NIBAN2: variants seen among roughly 807,000 people sequenced by gnomAD.
NIBAN2 encodes the protein niban apoptosis regulator 2.
NIBAN2 carries 36 observed loss-of-function variants against 81.8 expected under a neutral mutation model. The observed-to-expected ratio is 0.44, with a 90% CI of 0.34 to 0.58. The LOEUF (loss-of-function observed/expected upper bound fraction) is 0.58. Ranked by LOEUF, NIBAN2 falls within the 20% of genes least tolerant of loss-of-function variation. NIBAN2 has a pLI of 0.02. For synonymous variants in NIBAN2, 445 were observed against 441.6 expected (o/e 1.01, Z -0.10); for missense variants, 897 against 1,014.1 (o/e 0.88, Z 1.57).
Position 127,560,569 on chromosome 9 carries a change from C to A in NIBAN2, c.55+8251G>T, listed in dbSNP as rs114239775. Among the ~76,000 whole-genome samples, 1,210 of 152,292 alleles carry A rather than the reference C, an allele frequency of 7.9e-3. 15 individuals carry two copies. The highest frequency in any genetic ancestry group is 0.027 in the African/African-American group (1,138 of 41,544). ...GCAGGCTGGCCCACCCCAGGCCAGT[C>A]TCCCTTACACCTTCCCAAGGAAGGC... On this transcript the variant is annotated intron_variant, in intron 1 of 13. Coordinates refer to ENST00000373312, the MANE Select transcript of NIBAN2 (RefSeq NM_022833.4).
intron 1 of NIBAN2, among the ~76,000 whole-genome samples, chr9:127,539,686 C>T (rs1022561214): frequency 1.3e-5 from 2 of 152,170 alleles, no homozygotes; most frequent in African/African-American, 4.8e-5. Context: ...AGGAACTGAC[C>T]GGGATGCTGG....
intron 8 of NIBAN2, 152 bp downstream of exon 8, chr9:127,516,705 G>T: frequency 1.2e-6 from 1 of 800,482 alleles, no homozygotes; most frequent in Non-Finnish European, 2.0e-6. Flanking sequence ...ACAACTCACA[G>T]GGGTTGGAGT....
chr9:127,511,327 C>T (rs539187780), intron 8 of NIBAN2, among the ~76,000 whole-genome samples: 76 of 152,212 alleles, frequency 5.0e-4, no homozygotes, highest in African/African-American at 1.6e-3. Flanking sequence ...GGATTATAGG[C>T]GTGAGCCACC....
intron 1 of NIBAN2, among the ~76,000 whole-genome samples, chr9:127,566,217 A>T (rs1170433854): frequency 6.6e-6 from 1 of 152,056 alleles, no homozygotes; most frequent in East Asian, 1.9e-4. Flanking sequence ...TTGTGGGGAA[A>T]ATTTGGGATT....
At chr9:127,527,843 G>C (rs1837105385) in intron 2 of NIBAN2, among the ~76,000 whole-genome samples, 1 of 152,184 alleles carries the variant, frequency 6.6e-6, no homozygotes. Flanking sequence ...CTTGAACAAG[G>C]TGGCTCCAGA....
intron 1 of NIBAN2, among the ~76,000 whole-genome samples, chr9:127,539,043 A>T (rs767897068): frequency 5.3e-4 from 81 of 152,240 alleles, no homozygotes; most frequent in Middle Eastern, 6.8e-3. Flanking sequence ...TGTATTAGGG[A>T]CATCTCATAG....
In NIBAN2 at chr9:127,508,576, T is replaced by C. The variant is rs1836663640; in HGVS notation, c.1318-38A>G. 1 of 1,544,262 alleles carries C rather than the reference T, an allele frequency of 6.5e-7. No individual in the cohort carries two copies. On this transcript the variant is annotated intron_variant, in intron 10 of 13. Coordinates refer to ENST00000373312, the MANE Select transcript of NIBAN2 (RefSeq NM_022833.4). This position sits in a 1 kb window ranked among gnomAD's most constrained non-coding sequence, Gnocchi z 6.4. ...CCGCGGACATGTGAAGCCCCCAGGGTGACCACAGCCCCTTCCTGGGTGCCG... is the reference window on the plus strand; with the variant it reads ...CCGCGGACATGTGAAGCCCCCAGGGCGACCACAGCCCCTTCCTGGGTGCCG...
chr9:127,573,420 T>C (rs987783494), upstream of NIBAN2, among the ~76,000 whole-genome samples: 3 of 150,726 alleles, frequency 2.0e-5, no homozygotes. Flanking sequence ...TTACAGTCTT[T>C]GGGTGGGGAA....
chr9:127,520,755 A>ATGGG, intron 5 of NIBAN2, among the ~76,000 whole-genome samples: 1 of 152,000 alleles, frequency 6.6e-6, no homozygotes, highest in Non-Finnish European at 1.5e-5. Context: ...GTGGTGGCAC[A>ATGGG]CGCCTGTAGT....
At chr9:127,521,955 G>A (rs1217369473) in intron 5 of NIBAN2, among the ~76,000 whole-genome samples, 1 of 152,198 alleles carries the variant, frequency 6.6e-6, no homozygotes, top group African/African-American at 2.4e-5. Flanking sequence ...GACTGAGGTG[G>A]CCCTTCCCCA....
chr9:127,530,411 C>T (rs928419469), intron 2 of NIBAN2, among the ~76,000 whole-genome samples: 26 of 152,198 alleles, frequency 1.7e-4, no homozygotes, highest in African/African-American at 6.0e-4. Context: ...TGGCCAGGTG[C>T]GGCAGCTGAG....
chr9:127,555,525 T>A lies in NIBAN2; in HGVS notation c.55+13295A>T, dbSNP rs113143697. On this transcript the variant is annotated intron_variant, in intron 1 of 13. Coordinates refer to ENST00000373312, the MANE Select transcript of NIBAN2 (RefSeq NM_022833.4). ...GGACCCTGGGCCTCCTGAACAGCAT[T>A]CCCTAGTGGGGAGCGGCAGCTCACG... Among the ~76,000 whole-genome samples, 27 of 152,110 alleles carry A rather than the reference T, an allele frequency of 1.8e-4. 1 individual carries two copies. The highest frequency in any genetic ancestry group is 6.5e-4 in the African/African-American group (27 of 41,496).
intron 1 of NIBAN2, among the ~76,000 whole-genome samples, chr9:127,532,219 A>C (rs1001813482): frequency 6.6e-6 from 1 of 152,182 alleles, no homozygotes; most frequent in Admixed American, 6.5e-5. Context: ...ACAAAGGCGA[A>C]TGTGCACTGA....
At chr9:127,565,946 T>TCTCTCTCTCTCACACACACA (rs751937125) in intron 1 of NIBAN2, among the ~76,000 whole-genome samples, 10 of 130,558 alleles carry the variant, frequency 7.7e-5, no homozygotes, top group African/African-American at 3.2e-4. Context: ...TCTCTCTCTC[T>TCTCTCTCTCTCACACACACA]CACACACACA....
In NIBAN2 at chr9:127,510,202, C is replaced by T. The variant is rs1185274770; in HGVS notation, c.1105G>A (p.Val369Ile). Residue 369 changes from valine to isoleucine, a missense_variant, in exon 9 of 14, where the codon GTC becomes ATC. By Grantham distance (29) the Val-to-Ile change is conservative. Coordinates refer to ENST00000373312, the MANE Select transcript of NIBAN2 (RefSeq NM_022833.4). ...ATGACGTTCAGGTTCATGTCCGTGA[C>T]CTCCTTGAAGAAGACATCTCGCACC... ...TEVRDVFFKEVTDMNLNVINE... is the reference protein window; with the variant it reads ...TEVRDVFFKEITDMNLNVINE... The T allele has an allele frequency of 6.2e-7, 1 of 1,614,088 alleles. No individual in the cohort carries two copies. The highest frequency in any genetic ancestry group is 1.7e-5 in the Admixed American group (1 of 60,014).
At position 127,507,803 on chromosome 9, in the gene NIBAN2, C is replaced by T. The variant is rs1161503376; in HGVS notation, c.1654+64G>A. 1.4e-6 allele frequency: 2 copies of T among 1,458,504 alleles called. No homozygotes were observed. The highest frequency in any genetic ancestry group is 4.5e-5 in the East Asian group (2 of 44,138). 90.3% of individuals were successfully genotyped at this position (1,458,504 alleles called of 1,614,324 possible). On this transcript the variant is annotated intron_variant, in intron 13 of 13. Coordinates refer to ENST00000373312, the MANE Select transcript of NIBAN2 (RefSeq NM_022833.4). The surrounding 1 kb of genome is among the most constrained non-coding windows in gnomAD (Gnocchi z 6.8). ...CCTTAGCTGACCCCCTCAGCTGCCA[C>T]CACTTCTCAGCTGCGCCCCCAGCAT...
At chr9:127,514,053 G>T (rs1479402692) in intron 8 of NIBAN2, among the ~76,000 whole-genome samples, 5 of 152,206 alleles carry the variant, frequency 3.3e-5, no homozygotes, top group Admixed American at 3.3e-4. Context: ...AAGATCACTT[G>T]ACGTCAGGAG....
At chr9:127,540,235 G>A (rs1837352639) in intron 1 of NIBAN2, among the ~76,000 whole-genome samples, 1 of 152,202 alleles carries the variant, frequency 6.6e-6, no homozygotes, top group East Asian at 1.9e-4. Flanking sequence ...AGTGAGGCTG[G>A]GCAAGAACTG....
chr9:127,512,587 A>AT (rs1226601889), intron 8 of NIBAN2, among the ~76,000 whole-genome samples: 4 of 152,072 alleles, frequency 2.6e-5, no homozygotes, highest in Middle Eastern at 3.4e-3. Context: ...TGCCCGGCCC[A>AT]TTTTACGTAT....
Sources: allele counts gnomAD v4.1 joint callset (sites outside exome capture counted in the v4.1 genomes callset), GRCh38; gene constraint gnomAD v4.1.1; non-coding constraint Gnocchi (gnomAD v3.1); transcripts MANE v1.5; gene names NCBI Gene and HGNC (gene_info 2026-07-23, HGNC 2026-07-21).